The following TYK2 variants were observed in gnomAD, a reference collection of about 807,000 sequenced individuals.
TYK2 encodes tyrosine kinase 2.
Under a neutral mutation model 130.9 loss-of-function variants are expected in TYK2, and 65 were observed. The observed-to-expected ratio is 0.50, with a 90% confidence interval of 0.41 to 0.61. TYK2 has a LOEUF of 0.61. Ranked by LOEUF, TYK2 falls within the 20% of genes least tolerant of loss-of-function variation. The pLI is 0.00. For synonymous variants in TYK2, 647 were observed against 658.9 expected (o/e 0.98, Z 0.28); for missense variants, 1,378 against 1,610.7 (o/e 0.86, Z 2.47).
chr19:10,368,229 G>T (rs2041756158), intron 4 of TYK2, 27 bp from the exon 5 acceptor site: 1 of 1,614,062 alleles, frequency 6.2e-7, no homozygotes, highest in African/African-American at 1.3e-5. Flanking sequence ...CGCAGCTGGG[G>T]CTTAGCACAG....
In TYK2 at chr19:10,368,039, C is replaced by T; in HGVS notation, c.465+16G>A. 2.5e-6 allele frequency: 4 copies of T among 1,614,004 alleles called. No individual in the cohort carries two copies. Among genetic ancestry groups the T allele is most frequent in the Non-Finnish European group, 3.4e-6 (4 of 1,180,022 alleles). Reference sequence around the variant, plus strand: ...GTCTCCCACAAATAGTCTTGCCACCCCAGCCCTGCTCATACCTGCTCAAAG... The same window carrying T: ...GTCTCCCACAAATAGTCTTGCCACCTCAGCCCTGCTCATACCTGCTCAAAG... On this transcript the variant is annotated intron_variant, in intron 5 of 24. Transcript: ENST00000525621.
rs1387248228 is a variant in TYK2, at chr19:10,378,259, A to G, written c.148T>C (p.Ser50Pro). The G allele has an allele frequency of 2.5e-6, 4 of 1,612,922 alleles. No homozygotes were observed. The highest frequency in any genetic ancestry group is 2.5e-6 in the Non-Finnish European group (3 of 1,179,966). Residue 50 changes from serine (S) to proline (P), a missense_variant, in exon 3 of 25, where the codon TCG becomes CCG. Coordinates refer to ENST00000525621, the MANE Select transcript of TYK2 (RefSeq NM_003331.5). ...GEPWVTFSESSLTAEEVCIHI... is the reference protein window; with the variant it reads ...GEPWVTFSESPLTAEEVCIHI... ...ATGCAGACTTCCTCAGCTGTCAGCG[A>G]TGACTCACTGAAAGTGACCCAGGGC... is the stretch of plus-strand genomic sequence containing the variant.
chr19:10,354,673 G>A, intron 18 of TYK2, 64 bp from the exon 19 acceptor site: 3 of 1,398,146 alleles, frequency 2.1e-6, no homozygotes, highest in Non-Finnish European at 1.0e-6. Flanking sequence ...CCACACTTGG[G>A]AGTCACAAAG....
In TYK2 at chr19:10,361,546, G is replaced by A. The variant is rs1181796644; in HGVS notation, c.2012C>T (p.Ala671Val). The A allele has an allele frequency of 5.2e-6, 8 of 1,547,566 alleles. No homozygotes were observed. Among genetic ancestry groups the A allele is most frequent in the Non-Finnish European group, 6.1e-6 (7 of 1,146,918 alleles). ...GCGCACACAGACGCCATGCACGAAGGCCAGGTGCGTGTGGGAGACCTGGCT... is the reference window on the plus strand; with the variant it reads ...GCGCACACAGACGCCATGCACGAAGACCAGGTGCGTGTGGGAGACCTGGCT... ...LMSQVSHTHL[A>V]FVHGVCVRGP... Residue 671 changes from alanine (A) to valine (V), a missense_variant, in exon 14 of 25, where the codon GCC becomes GTC. By Grantham distance (64) the Ala-to-Val change is moderately conservative. Transcript: ENST00000525621. The surrounding 1 kb of genome is among the most constrained non-coding windows in gnomAD (Gnocchi z 4.0).
At position 10,364,688 on chromosome 19, in the gene TYK2, G is replaced by C. The variant is rs2041569527; in HGVS notation, c.1293C>G (p.Ser431Arg). 2.5e-6 allele frequency: 4 copies of C among 1,613,834 alleles called. No homozygotes were observed. The highest frequency in any genetic ancestry group is 3.4e-6 in the Non-Finnish European group (4 of 1,180,004). The change falls in exon 9 of 25, where the codon AGC (serine) becomes AGG (arginine). Residue 431 changes from serine (S) to arginine (R), a missense_variant. By Grantham distance (110) the Ser-to-Arg change is moderately radical (BLOSUM62 -1). Transcript: ENST00000525621. This position sits in a 1 kb window ranked among gnomAD's most constrained non-coding sequence, Gnocchi z 4.9. Reference protein sequence around the residue: ...DGYFRLTADSSHYLCHEVAPP... With the variant: ...DGYFRLTADSRHYLCHEVAPP... ...GAGCCACCTCGTGGCACAGGTAGTG[G>C]CTGGAGTCGGCCGTCAGGCGGAAAT...
chr19:10,361,491 G>T lies in TYK2; in HGVS notation c.2047+20C>A, dbSNP rs1471745079. ...GGGGTGGCCTGCCAAAGGGGGATGG[G>T]TATGGCGGGACCCACTCACTTTCAG... On this transcript the variant is annotated intron_variant, in intron 14 of 24. Coordinates refer to ENST00000525621, the MANE Select transcript of TYK2 (RefSeq NM_003331.5). This position sits in a 1 kb window ranked among gnomAD's most constrained non-coding sequence, Gnocchi z 4.0. 2 of 1,544,824 alleles carry T rather than the reference G, an allele frequency of 1.3e-6. No individual in the cohort carries two copies. The highest frequency in any genetic ancestry group is 1.7e-6 in the Non-Finnish European group (2 of 1,146,566).
chr19:10,378,340 C>T lies in TYK2; in HGVS notation c.67G>A (p.Ala23Thr). The T allele has an allele frequency of 6.2e-7, 1 of 1,612,690 alleles. No homozygotes were observed. Among genetic ancestry groups the T allele is most frequent in the Non-Finnish European group, 8.5e-7 (1 of 1,179,938 alleles). The change falls in exon 3 of 25, where the codon GCT becomes ACT. Residue 23 changes from alanine to threonine, a missense_variant. Transcript: ENST00000525621. ...KPVGDGAQPMAAMGGLKVLLH... is the reference protein window; with the variant it reads ...KPVGDGAQPMTAMGGLKVLLH... ...AGCACCTTCAGGCCTCCCATGGCAGCCATGGGCTGGGCTCCATCCCCAACG... is the reference window on the plus strand; with the variant it reads ...AGCACCTTCAGGCCTCCCATGGCAGTCATGGGCTGGGCTCCATCCCCAACG...
rs149780854 is a variant in TYK2, at chr19:10,374,433, A to T, written c.193+3781T>A. ...ACCCCCGTCTCTACTGAAAATACAAAAATTAGCCAGGTGTGGTGGTGGGCG... is the reference window on the plus strand; with the variant it reads ...ACCCCCGTCTCTACTGAAAATACAATAATTAGCCAGGTGTGGTGGTGGGCG... On this transcript the variant is annotated intron_variant, in intron 3 of 24. Transcript: ENST00000525621. 6.7e-3 allele frequency among the ~76,000 whole-genome samples: 1,010 copies of T among 150,080 alleles called. 14 individuals are homozygous for T. Among genetic ancestry groups the T allele is most frequent in the African/African-American group, 0.023 (947 of 40,680 alleles).
At position 10,365,623 on chromosome 19, in the gene TYK2, T is replaced by C. The variant is rs780484848; in HGVS notation, c.905A>G (p.Asp302Gly). 2 of 1,613,798 alleles carry C rather than the reference T, an allele frequency of 1.2e-6. No individual in the cohort carries two copies. Among genetic ancestry groups the C allele is most frequent in the Non-Finnish European group, 1.7e-6 (2 of 1,179,904 alleles). The change falls in exon 7 of 25, where the codon GAC becomes GGC. Residue 302 changes from aspartate to glycine, a missense_variant. Asp to Gly is a moderately conservative substitution (Grantham distance 94). Coordinates refer to ENST00000525621, the MANE Select transcript of TYK2 (RefSeq NM_003331.5). ...YIRDSGVAPT[D>G]PGPESAAGPP... ...CCCAGCAGCAGACTCAGGGCCAGGG[T>C]CTGTAGGGGCCACCCCACTGTCCCG...
chr19:10,378,028 GGGTGGGTGGATGGATGGGT>G (rs2042231533), intron 3 of TYK2, among the ~76,000 whole-genome samples, 167 bp downstream of exon 3: 1 of 134,662 alleles, frequency 7.4e-6, no homozygotes, highest in Non-Finnish European at 1.6e-5. Context: ...ATGGATGGGT[GGGTGGGTGGATGGATGGGT>G]GGTTGGGAGG....
At position 10,350,755 on chromosome 19, in the gene TYK2, A is replaced by T; in HGVS notation, c.*79T>A. ...AGGCTGACATCCCCCTCTTGGTTTCATCCTGGAGCAGGGAGCAGGAGGCTC... is the reference window on the plus strand; with the variant it reads ...AGGCTGACATCCCCCTCTTGGTTTCTTCCTGGAGCAGGGAGCAGGAGGCTC... On this transcript the variant is annotated 3_prime_UTR_variant, in exon 25 of 25. Coordinates refer to ENST00000525621, the MANE Select transcript of TYK2 (RefSeq NM_003331.5). 1 of 1,568,314 alleles carries T rather than the reference A, an allele frequency of 6.4e-7. No individual in the cohort carries two copies. Among genetic ancestry groups the T allele is most frequent in the South Asian group, 1.1e-5 (1 of 89,230 alleles).
At chr19:10,355,762 G>A (rs750298964) in intron 18 of TYK2, among the ~76,000 whole-genome samples, 1 of 150,764 alleles carries the variant, frequency 6.6e-6, no homozygotes. Flanking sequence ...AAGAGACTGA[G>A]ACCATCCTGG....
rs776533127 is a variant in TYK2, at chr19:10,368,090, G to A, written c.430C>T (p.Leu144=). The change falls in exon 5 of 25, where the codon CTG becomes TTG. Residue 144 remains leucine, a synonymous_variant. Coordinates refer to ENST00000525621, the MANE Select transcript of TYK2 (RefSeq NM_003331.5). Reference sequence around the variant, plus strand: ...AGGTACTCAAATGAGGCTGGGTCCAGGAGTTGCATCCCCTGTGCTGTCTGA... The same window carrying A: ...AGGTACTCAAATGAGGCTGGGTCCAAGAGTTGCATCCCCTGTGCTGTCTGA... The part of the protein sequence containing the change: ...SDQTAQGMQL[L]DPASFEYLFE... 1.9e-6 allele frequency: 3 copies of A among 1,614,148 alleles called. No individual in the cohort carries two copies. The East Asian group carries it at 6.7e-5, about 36-fold the overall frequency.
rs551839011 is a variant in TYK2 at position 10,364,750 on chromosome 19, C to A, written c.1231G>T (p.Ala411Ser). The A allele has an allele frequency of 1.9e-6, 3 of 1,613,938 alleles. No individual in the cohort carries two copies. In the East Asian group the frequency reaches 6.7e-5, roughly 36 times the overall value. The stretch of plus-strand genomic sequence containing the variant: ...AGCGACACGAAGGACAGCGCCGCAG[C>A]CCGGGAAGGCAAGCTCAGCTCCTGC... ...KCLELSLPSR[A>S]AALSFVSLVD... Residue 411 changes from alanine (A) to serine (S), a missense_variant, in exon 9 of 25, where the codon GCT becomes TCT. Transcript: ENST00000525621. This position sits in a 1 kb window ranked among gnomAD's most constrained non-coding sequence, Gnocchi z 4.9.
chr19:10,356,458 G>T, intron 18 of TYK2, 110 bp downstream of exon 18: 1 of 1,397,850 alleles, frequency 7.2e-7, no homozygotes, highest in Non-Finnish European at 9.9e-7. Context: ...CAAGAAATTG[G>T]CACACACCCT....
chr19:10,352,935 G>A lies in TYK2; in HGVS notation c.3191C>T (p.Pro1064Leu). 1.2e-6 allele frequency: 2 copies of A among 1,607,334 alleles called. No individual in the cohort carries two copies. Among genetic ancestry groups the A allele is most frequent in the Non-Finnish European group, 1.7e-6 (2 of 1,177,338 alleles). The change falls in exon 22 of 25, where the codon CCC (proline) becomes CTC (leucine). Residue 1064 changes from proline (P) to leucine (L), a missense_variant. Physicochemically the swap from Pro to Leu is moderately conservative, Grantham distance 98. Coordinates refer to ENST00000525621, the MANE Select transcript of TYK2 (RefSeq NM_003331.5). ...YYRVREDGDS[P>L]VFWYAPECLK... The stretch of plus-strand genomic sequence containing the variant: ...CACCCCGCCTGGTCACCAGAACACG[G>A]GGCTGTCCCCATCCTCGCGCACGCG...
chr19:10,379,314 G>C (rs866775288), intron 2 of TYK2, among the ~76,000 whole-genome samples: 6 of 151,800 alleles, frequency 4.0e-5, no homozygotes, highest in African/African-American at 1.2e-4. Context: ...GGGTGACAGA[G>C]TGAGACCCTG....
Position 10,350,879 on chromosome 19 carries a change from A to T in TYK2, c.3519T>A (p.His1173Gln), listed in dbSNP as rs748187204. Residue 1173 changes from histidine to glutamine, a missense_variant, in exon 25 of 25, where the codon CAT becomes CAA. His to Gln is a conservative substitution (Grantham distance 24). Coordinates refer to ENST00000525621, the MANE Select transcript of TYK2 (RefSeq NM_003331.5). ...ENLIPILKTV[H>Q]EKYQGQAPSV... ...AAGGGGCCTGGCCTTGGTACTTCTC[A>T]TGGACTGTCTTCAGAATGGGTATGA... The T allele has an allele frequency of 1.2e-6, 2 of 1,610,870 alleles. No individual in the cohort carries two copies. Among genetic ancestry groups the T allele is most frequent in the Non-Finnish European group, 1.7e-6 (2 of 1,177,140 alleles).
At chr19:10,373,401 C>T (rs144389211) in intron 3 of TYK2, among the ~76,000 whole-genome samples, 159 of 151,254 alleles carry the variant, frequency 1.1e-3, no homozygotes, top group Middle Eastern at 3.4e-3. Flanking sequence ...TGCAGTGGTG[C>T]GATCTCGGCT....
Sources: allele counts gnomAD v4.1 joint callset (sites outside exome capture counted in the v4.1 genomes callset), GRCh38; gene constraint gnomAD v4.1.1; non-coding constraint Gnocchi (gnomAD v3.1); transcripts MANE v1.5; gene names NCBI Gene and HGNC (gene_info 2026-07-23, HGNC 2026-07-21).